The following TOP3B variants were observed in gnomAD, a reference collection of about 807,000 sequenced individuals.
TOP3B encodes DNA topoisomerase 3-beta-1.
Under a neutral mutation model 93.9 loss-of-function variants are expected in TOP3B, and 45 were observed. That is an observed-to-expected ratio of 0.48 (90% CI 0.38 to 0.61). TOP3B has a LOEUF of 0.61. Ranked by LOEUF, TOP3B falls within the 20% of genes least tolerant of loss-of-function variation. The pLI is 0.00. For missense variants in TOP3B, 750 were observed against 1,156.1 expected, an observed-to-expected ratio of 0.65 and a Z score of 5.09; for synonymous variants, 357 against 472.6, an observed-to-expected ratio of 0.76 and a Z score of 3.17.
intron 3 of TOP3B, 97 bp from the exon 4 acceptor site, chr22:21,972,815 G>T (rs1269130939): frequency 2.0e-6 from 2 of 1,014,926 alleles, no homozygotes; most frequent in African/African-American, 1.6e-5. Flanking sequence ...CAAATGAGGA[G>T]GGGAAAGCTT....
intron 15 of TOP3B, 79 bp downstream of exon 15, chr22:21,959,508 G>A: frequency 6.5e-7 from 1 of 1,527,526 alleles, no homozygotes. Flanking sequence ...TCCCACGTGG[G>A]GACCTGGGTC....
At chr22:21,979,866 G>A (rs1298294083) in intron 1 of TOP3B, among the ~76,000 whole-genome samples, 3 of 150,940 alleles carry the variant, frequency 2.0e-5, no homozygotes, top group East Asian at 2.0e-4. Flanking sequence ...GTGTGAACCC[G>A]GGAAGCGGAG....
Position 21,970,671 on chromosome 22 carries a change from C to T in TOP3B, c.385-265G>A. ...ATCTAGAAACATACTCGAACACTCC[C>T]TTCTTACTCCCGCCCTCTCTTCTAA... On this transcript the variant is annotated intron_variant, in intron 5 of 17. Transcript: ENST00000357179. The surrounding 1 kb of genome is among the most constrained non-coding windows in gnomAD (Gnocchi z 4.4). The T allele has an allele frequency of 1.9e-6, 1 of 513,642 alleles. No individual in the cohort carries two copies. Among genetic ancestry groups the T allele is most frequent in the South Asian group, 2.3e-5 (1 of 44,288 alleles). 31.8% of individuals were successfully genotyped at this position (513,642 alleles called of 1,614,324 possible).
At position 21,962,782 on chromosome 22, in the gene TOP3B, A is replaced by G. The variant is rs114712273; in HGVS notation, c.1316T>C (p.Leu439Pro). The G allele has an allele frequency of 1.1e-4, 178 of 1,614,090 alleles. No individual in the cohort carries two copies. The African/African-American group carries it at 1.8e-3, about 16-fold the overall frequency. The change falls in exon 12 of 18, where the codon CTC (leucine) becomes CCC (proline). Residue 439 changes from leucine to proline, a missense_variant. Transcript: ENST00000357179. ...GACGGTCTTCCCGGAGCAGGTGAAG[A>G]GCTCGGGCCCAATTCTGAAGGAGAT... ...STISFRIGPE[L>P]FTCSGKTVLS...
At position 21,970,486 on chromosome 22, in the gene TOP3B, C is replaced by T; in HGVS notation, c.385-80G>A. 1 of 1,487,586 alleles carries T rather than the reference C, an allele frequency of 6.7e-7. No homozygotes were observed. Among genetic ancestry groups the T allele is most frequent in the Non-Finnish European group, 9.2e-7 (1 of 1,090,816 alleles). 92.1% of individuals were successfully genotyped at this position (1,487,586 alleles called of 1,614,324 possible). On this transcript the variant is annotated intron_variant, in intron 5 of 17. Coordinates refer to ENST00000357179, the MANE Select transcript of TOP3B (RefSeq NM_001282112.2). This position sits in a 1 kb window ranked among gnomAD's most constrained non-coding sequence, Gnocchi z 4.4. ...CCCCACCCCACTGTGAAGCCTGGTT[C>T]CTTCCAGGAAAGAACACGTGTGCTC... is the stretch of plus-strand genomic sequence containing the variant.
chr22:21,959,289 C>T (rs779386640), intron 15 of TOP3B, 57 bp from the exon 16 acceptor site: 211 of 1,601,258 alleles, frequency 1.3e-4, no homozygotes, highest in Non-Finnish European at 1.7e-4. Context: ...CAAAAGGCTC[C>T]GCAACACGTG....
In TOP3B at chr22:21,967,614, T is replaced by C. The variant is rs1011145958; in HGVS notation, c.841A>G (p.Lys281Glu). ...TGGAGCAGGCACACCTGGGCTTCCT[T>C]CTCCAGCTTTGTCATGTTTAAAAAC... ...QMFLNMTKLE[K>E]EAQVEATSRK... is the part of the protein sequence containing the mutation. Residue 281 changes from lysine (K) to glutamate (E), a missense_variant, in exon 8 of 18, where the codon AAG becomes GAG. Physicochemically the swap from Lys to Glu is moderately conservative, Grantham distance 56. Coordinates refer to ENST00000357179, the MANE Select transcript of TOP3B (RefSeq NM_001282112.2). The C allele has an allele frequency of 1.2e-6, 2 of 1,614,016 alleles. No homozygotes were observed. Among genetic ancestry groups the C allele is most frequent in the Admixed American group, 3.3e-5 (2 of 60,018 alleles).
intron 16 of TOP3B, 24 bp from the exon 17 acceptor site, chr22:21,958,717 C>T (rs1368085446): frequency 8.2e-6 from 13 of 1,577,096 alleles, no homozygotes; most frequent in African/African-American, 2.7e-5. Context: ...AGGCAGGTGG[C>T]GTGAGGGTCA....
At chr22:21,974,281 T>C in intron 3 of TOP3B, 76 bp downstream of exon 3, 1 of 1,534,282 alleles carries the variant, frequency 6.5e-7, no homozygotes, top group South Asian at 1.2e-5. Flanking sequence ...CCTAGAGGCA[T>C]CTCCTGGCTT....
At position 21,962,585 on chromosome 22, in the gene TOP3B, G is replaced by T. The variant is rs1569144509; in HGVS notation, c.1369C>A (p.Pro457Thr). The T allele has an allele frequency of 6.2e-7, 1 of 1,613,260 alleles. No individual in the cohort carries two copies. Among genetic ancestry groups the T allele is most frequent in the East Asian group, 2.2e-5 (1 of 44,878 alleles). The change falls in exon 13 of 18, where the codon CCC becomes ACC. Residue 457 changes from proline (P) to threonine (T), a missense_variant. Pro to Thr is a conservative substitution (Grantham distance 38, BLOSUM62 -1). Around this residue, in one of 4 missense-constraint regions of TOP3B, gnomAD observed 737 missense variants for 933.7 expected, o/e 0.79. Transcript: ENST00000357179. ...TCCTCCAGGGGCACGCTCTGCCAGG[G>T]CATGACCTCCGTGAAGCCTGGAGAG... The part of the protein sequence containing the change: ...VLSPGFTEVM[P>T]WQSVPLEESL...
chr22:21,959,410 T>G (rs1569140340), intron 15 of TOP3B, 177 bp downstream of exon 15: 1 of 1,487,770 alleles, frequency 6.7e-7, no homozygotes, highest in Non-Finnish European at 8.9e-7. Context: ...TGGCCATGTG[T>G]GGTGTTAATG....
At chr22:21,964,568 C>T (rs1261298185) in intron 9 of TOP3B, 6 of 552,786 alleles carry the variant, frequency 1.1e-5, no homozygotes, top group Non-Finnish European at 2.0e-5. Flanking sequence ...GGAAACGCCA[C>T]TCACTCTACC....
In TOP3B at chr22:21,958,539, A is replaced by G; in HGVS notation, c.2060T>C (p.Leu687Pro). The G allele has an allele frequency of 6.2e-7, 1 of 1,614,118 alleles. No homozygotes were observed. Among genetic ancestry groups the G allele is most frequent in the Non-Finnish European group, 8.5e-7 (1 of 1,180,032 alleles). The stretch of plus-strand genomic sequence containing the variant: ...TGGGTGGTTGTAGCAGTAGGGGCAC[A>G]GCGGGTAGCTCTTGCCCCGAGAGCC... ...SSGSRGKSYPLCPYCYNHPPF... is the reference protein window; with the variant it reads ...SSGSRGKSYPPCPYCYNHPPF... The change falls in exon 17 of 18, where the codon CTG becomes CCG. Residue 687 changes from leucine to proline, a missense_variant. By Grantham distance (98) the Leu-to-Pro change is moderately conservative. Transcript: ENST00000357179.
rs1187018563 is a variant in TOP3B at position 21,958,591 on chromosome 22, C to T, written c.2008G>A (p.Asp670Asn). 1 of 1,614,158 alleles carries T rather than the reference C, an allele frequency of 6.2e-7. No individual in the cohort carries two copies. The highest frequency in any genetic ancestry group is 1.1e-5 in the South Asian group (1 of 91,072). ...LYKELRCPLD[D>N]FELVLWSSGS... Reference sequence around the variant, plus strand: ...GATGACCACAGGACCAGCTCGAAGTCATCCAGAGGGCAGCGGAGCTCCTTG... The same window carrying T: ...GATGACCACAGGACCAGCTCGAAGTTATCCAGAGGGCAGCGGAGCTCCTTG... Residue 670 changes from aspartate (D) to asparagine (N), a missense_variant, in exon 17 of 18, where the codon GAC becomes AAC. By Grantham distance (23) the Asp-to-Asn change is conservative. This residue lies in a region of TOP3B where 737 missense variants were observed against 933.7 expected (regional missense o/e 0.79). Transcript: ENST00000357179.
At chr22:21,979,212 T>A (rs544722199) in intron 1 of TOP3B, among the ~76,000 whole-genome samples, 42 of 150,738 alleles carry the variant, frequency 2.8e-4, no homozygotes, top group Admixed American at 5.3e-4. Context: ...TGACTCTGAG[T>A]TGGGTGAAGA....
intron 3 of TOP3B, 175 bp downstream of exon 3, chr22:21,974,182 G>T: frequency 1.4e-6 from 1 of 733,210 alleles, no homozygotes; most frequent in Non-Finnish European, 2.1e-6. Context: ...TCCAGAGCCT[G>T]GGTTCTGGGC....
chr22:21,978,198 G>A (rs991911598), intron 1 of TOP3B, among the ~76,000 whole-genome samples: 1 of 151,984 alleles, frequency 6.6e-6, no homozygotes, highest in African/African-American at 2.4e-5. Context: ...TGGAGGATGC[G>A]AGGGAAGTCA....
In TOP3B at chr22:21,962,524, G is replaced by C. The variant is rs766042885; in HGVS notation, c.1430C>G (p.Pro477Arg). Residue 477 changes from proline (P) to arginine (R), a missense_variant, in exon 13 of 18, where the codon CCT (proline) becomes CGT (arginine). Pro to Arg is a moderately radical substitution (Grantham distance 103). This residue lies in a region of TOP3B where 737 missense variants were observed against 933.7 expected (regional missense o/e 0.79). Transcript: ENST00000357179. ...CTCCAGCATCTTCACCTCGCCCACA[G>C]GGAAGGCATCACCCCGCTGGCAAGT... Reference protein sequence around the residue: ...LPTCQRGDAFPVGEVKMLEKQ... With the variant: ...LPTCQRGDAFRVGEVKMLEKQ... The C allele has an allele frequency of 3.7e-6, 6 of 1,613,742 alleles. No homozygotes were observed. The South Asian group carries it at 6.6e-5, about 18-fold the overall frequency.
Position 21,963,015 on chromosome 22 carries a change from C to A in TOP3B, c.1205-122G>T. The A allele has an allele frequency of 8.2e-7, 1 of 1,224,326 alleles. No individual in the cohort carries two copies. Among genetic ancestry groups the A allele is most frequent in the Non-Finnish European group, 1.2e-6 (1 of 865,002 alleles). 75.8% of individuals were successfully genotyped at this position (1,224,326 alleles called of 1,614,324 possible). On this transcript the variant is annotated intron_variant, in intron 11 of 17. Transcript: ENST00000357179. The surrounding 1 kb of genome is among the most constrained non-coding windows in gnomAD (Gnocchi z 4.8). ...CAGAGCCGCTGTGCAGGACACACTG[C>A]AAATCCTGGGGAAGGAGGAAAGAAA...
Sources: gnomAD v4.1 joint callset for allele counts (sites outside exome capture counted in the v4.1 genomes callset) on GRCh38, gnomAD v4.1.1 for gene constraint, gnomAD v4.1.1 regional missense constraint, Gnocchi (gnomAD v3.1) non-coding constraint, MANE v1.5 for transcripts, NCBI Gene and HGNC (gene_info 2026-07-23, HGNC 2026-07-21) for gene names.